The following TAFA4 variants were observed in gnomAD, a reference collection of about 807,000 sequenced individuals.
The protein encoded by TAFA4 is TAFA chemokine like family member 4.
A neutral mutation model predicts 21.1 loss-of-function variants in TAFA4; 20 were observed. That is an observed-to-expected ratio of 0.95 (90% CI 0.67 to 1.38). TAFA4 has a LOEUF of 1.38. TAFA4 is among the 40% of genes most tolerant of loss of function. TAFA4 has a pLI of 0.00. For missense variants in TAFA4, 211 were observed against 180.9 expected (o/e 1.17, Z -0.95); for synonymous variants, 71 against 67.4 (o/e 1.05, Z -0.26).
At chr3:68,798,115 C>G (rs1230245447) in intron 3 of TAFA4, among the ~76,000 whole-genome samples, 1 of 152,140 alleles carries the variant, frequency 6.6e-6, no homozygotes, top group East Asian at 1.9e-4. Flanking sequence ...CTAGACGATC[C>G]TGTTTTTATT....
chr3:68,837,830 T>C (rs1205922798), intron 3 of TAFA4, among the ~76,000 whole-genome samples: 1 of 152,146 alleles, frequency 6.6e-6, no homozygotes, highest in African/African-American at 2.4e-5. Context: ...TTAATGACTT[T>C]TTTGTTTTGG....
Position 68,867,743 on chromosome 3 carries a change from T to A in TAFA4, c.130+12987A>T, listed in dbSNP as rs186804413. On this transcript the variant is annotated intron_variant, in intron 3 of 5. Transcript: ENST00000295569. The stretch of plus-strand genomic sequence containing the variant: ...GTTTTTCATTTGTTTGTTTCTTTTC[T>A]TTGTAATCACTTATCGTTTATTTAA... Among the ~76,000 whole-genome samples, 18 of 152,252 alleles carry A rather than the reference T, an allele frequency of 1.2e-4. No individual in the cohort carries two copies. The East Asian group carries it at 2.9e-3, about 24-fold the overall frequency.
At chr3:68,795,643 A>T (rs373510935) in intron 3 of TAFA4, among the ~76,000 whole-genome samples, 1 of 152,210 alleles carries the variant, frequency 6.6e-6, no homozygotes, top group Admixed American at 6.5e-5. Context: ...GAACCCAAAA[A>T]TAAATACAAA....
chr3:68,866,651 TAAAAAA>T (rs59878536), intron 3 of TAFA4, among the ~76,000 whole-genome samples: 1 of 12,396 alleles, frequency 8.1e-5, no homozygotes. Context: ...ATAGCAGTTC[TAAAAAA>T]AAAAAAAAAA....
intron 3 of TAFA4, among the ~76,000 whole-genome samples, chr3:68,822,753 T>G (rs1380904681): frequency 6.6e-6 from 1 of 152,206 alleles, no homozygotes; most frequent in South Asian, 2.1e-4. Context: ...ATTGTAGGCA[T>G]GAGCCACTGC....
intron 3 of TAFA4, among the ~76,000 whole-genome samples, chr3:68,843,831 A>G (rs1233313944): frequency 6.6e-6 from 1 of 152,178 alleles, no homozygotes; most frequent in Non-Finnish European, 1.5e-5. Flanking sequence ...ATTTATTTTC[A>G]TATGTTGAAT....
At chr3:68,797,017 G>A (rs1426054988) in intron 3 of TAFA4, among the ~76,000 whole-genome samples, 1 of 152,130 alleles carries the variant, frequency 6.6e-6, no homozygotes, top group Non-Finnish European at 1.5e-5. Context: ...TTGAGGATGT[G>A]GAGAAAACAG....
chr3:68,847,967 C>T (rs544281061), intron 3 of TAFA4, among the ~76,000 whole-genome samples: 3 of 152,328 alleles, frequency 2.0e-5, no homozygotes, highest in Admixed American at 6.5e-5. Flanking sequence ...ATGCTAAGAA[C>T]AGCTCTCAAA....
chr3:68,915,608 G>T (rs997070468), intron 1 of TAFA4, among the ~76,000 whole-genome samples: 1 of 152,148 alleles, frequency 6.6e-6, no homozygotes, highest in African/African-American at 2.4e-5. Context: ...CTTTCAATAG[G>T]CTTCAGAATT....
chr3:68,858,576 A>ATGTG (rs1559545359), intron 3 of TAFA4, among the ~76,000 whole-genome samples: 15 of 91,174 alleles, frequency 1.6e-4, no homozygotes, highest in African/African-American at 5.6e-4. Context: ...ATTCCAAGTG[A>ATGTG]CGTGTGTGTG....
intron 3 of TAFA4, among the ~76,000 whole-genome samples, chr3:68,851,357 G>A (rs1481833364): frequency 9.9e-5 from 15 of 152,038 alleles, no homozygotes; most frequent in Admixed American, 9.2e-4. Context: ...AGTGTAGGGA[G>A]GGAGAACATT....
chr3:68,763,549 C>CA (rs567721927), intron 3 of TAFA4, among the ~76,000 whole-genome samples: 2 of 152,074 alleles, frequency 1.3e-5, no homozygotes, highest in East Asian at 3.9e-4. Context: ...AAAATCAACA[C>CA]AAAAAAATAC....
intron 3 of TAFA4, among the ~76,000 whole-genome samples, chr3:68,793,075 C>T (rs76823053): frequency 0.023 from 3,435 of 152,054 alleles, 128 homozygotes; most frequent in African/African-American, 0.079. Flanking sequence ...TTCTTGAGTT[C>T]GCAAAGCATC....
intron 3 of TAFA4, among the ~76,000 whole-genome samples, chr3:68,875,576 G>A (rs1257305531): frequency 6.6e-6 from 1 of 152,112 alleles, no homozygotes; most frequent in Non-Finnish European, 1.5e-5. Context: ...CCATTCACTG[G>A]AAGTGGGACA....
At chr3:68,875,653 AC>A (rs964392326) in intron 3 of TAFA4, among the ~76,000 whole-genome samples, 1 of 152,120 alleles carries the variant, frequency 6.6e-6, no homozygotes, top group Non-Finnish European at 1.5e-5. Context: ...GGTTTCACTT[AC>A]CCCAGTGGGT....
intron 3 of TAFA4, among the ~76,000 whole-genome samples, chr3:68,849,095 T>C (rs1704881347): frequency 6.6e-6 from 1 of 152,168 alleles, no homozygotes; most frequent in Non-Finnish European, 1.5e-5. Flanking sequence ...GAGTTTTCCA[T>C]GATATATTTT....
chr3:68,733,964 C>T (rs1702196637), intron 5 of TAFA4, among the ~76,000 whole-genome samples: 1 of 151,950 alleles, frequency 6.6e-6, no homozygotes, highest in Non-Finnish European at 1.5e-5. Context: ...AAAACCCTGC[C>T]CCCATGGAGC....
At chr3:68,805,087 G>A (rs1202721307) in intron 3 of TAFA4, among the ~76,000 whole-genome samples, 10 of 151,986 alleles carry the variant, frequency 6.6e-5, no homozygotes, top group Non-Finnish European at 7.3e-5. Context: ...AATCTACAAT[G>A]AACTCAAACA....
intron 3 of TAFA4, among the ~76,000 whole-genome samples, chr3:68,792,801 A>G (rs1703387159): frequency 6.6e-6 from 1 of 152,206 alleles, no homozygotes; most frequent in Non-Finnish European, 1.5e-5. Flanking sequence ...TGAACAAAAT[A>G]CATTCTGAAG....
Sources: allele counts gnomAD v4.1 joint callset (sites outside exome capture counted in the v4.1 genomes callset), GRCh38; gene constraint gnomAD v4.1.1; transcripts MANE v1.5; gene names NCBI Gene and HGNC (gene_info 2026-07-23, HGNC 2026-07-21).